BTBD9: variants seen among roughly 807,000 people sequenced by gnomAD.
BTBD9 encodes BTB domain containing 9, also known as BTB/POZ domain-containing protein 9.
In BTBD9, 49 loss-of-function variants were observed where a neutral mutation model predicts 64.3. The ratio of observed to expected loss-of-function variants is 0.76; its 90% CI spans 0.61 to 0.97. The LOEUF (loss-of-function observed/expected upper bound fraction) is 0.97. Ranked by LOEUF, BTBD9 falls within the 50% of genes least tolerant of loss-of-function variation. BTBD9 has a pLI of 0.00. For missense variants in BTBD9, 598 were observed against 762.1 expected, an observed-to-expected ratio of 0.78 and a Z score of 2.53; for synonymous variants, 260 against 274.7, an observed-to-expected ratio of 0.95 and a Z score of 0.53.
At chr6:38,533,441 C>T (rs1773883973) in intron 6 of BTBD9, among the ~76,000 whole-genome samples, 2 of 152,114 alleles carry the variant, frequency 1.3e-5, no homozygotes, top group African/African-American at 4.8e-5. Flanking sequence ...GAGAGAGACT[C>T]TATTAGAATC....
At position 38,386,630 on chromosome 6, in the gene BTBD9, CTTTTT is replaced by C. The variant is rs11423572; in HGVS notation, c.1155-41542_1155-41538del. ...TTTGGGATACATTTTCCAGTTTACT[CTTTTT>C]TTTTTTTTTTTTTTTTTGGAGTGGG... On this transcript the variant is annotated intron_variant, in intron 6 of 10. Transcript: ENST00000481247. 6.4e-3 allele frequency among the ~76,000 whole-genome samples: 597 copies of C among 92,778 alleles called. 6 individuals carry two copies. The highest frequency in any genetic ancestry group is 0.025 in the African/African-American group (561 of 22,298). The allele number at this position is 92,778 out of a possible 152,430, so 60.9% of individuals were successfully genotyped here.
At chr6:38,276,506 A>G (rs1761262777) in intron 8 of BTBD9, among the ~76,000 whole-genome samples, 1 of 152,086 alleles carries the variant, frequency 6.6e-6, no homozygotes, top group African/African-American at 2.4e-5. Context: ...AATAATAATA[A>G]AATAAAAAAT....
intron 1 of BTBD9, among the ~76,000 whole-genome samples, chr6:38,613,756 C>T (rs1157716160): frequency 6.6e-6 from 1 of 152,108 alleles, no homozygotes; most frequent in Non-Finnish European, 1.5e-5. Flanking sequence ...TTAAGGGGTA[C>T]TGACATTCCT....
chr6:38,211,596 T>G (rs1410182975), intron 9 of BTBD9, among the ~76,000 whole-genome samples: 3 of 151,376 alleles, frequency 2.0e-5, no homozygotes, highest in African/African-American at 7.3e-5. Flanking sequence ...ATACAAAAAT[T>G]AGGGGGGTGT....
intron 9 of BTBD9, among the ~76,000 whole-genome samples, chr6:38,252,152 C>CT (rs750405122): frequency 4.6e-5 from 7 of 152,070 alleles, no homozygotes; most frequent in Admixed American, 2.0e-4. Flanking sequence ...ACTGGAGAAT[C>CT]TTATTTCCCA....
At chr6:38,379,146 G>C (rs566904487) in intron 6 of BTBD9, among the ~76,000 whole-genome samples, 2 of 152,290 alleles carry the variant, frequency 1.3e-5, no homozygotes, top group East Asian at 3.9e-4. Context: ...TGTAGGCTTG[G>C]GGAAAGGAGA....
chr6:38,501,985 T>G (rs1772222677), intron 6 of BTBD9, among the ~76,000 whole-genome samples: 1 of 152,148 alleles, frequency 6.6e-6, no homozygotes, highest in Admixed American at 6.5e-5. Context: ...TTTAAGAGAA[T>G]AAAGGGCTCC....
chr6:38,547,964 T>C (rs1445480168), intron 6 of BTBD9, among the ~76,000 whole-genome samples: 2 of 152,218 alleles, frequency 1.3e-5, no homozygotes, highest in South Asian at 2.1e-4. Context: ...AAGTTTCTTT[T>C]CCATTGTGAA....
At chr6:38,267,915 G>C (rs529900310) in intron 8 of BTBD9, among the ~76,000 whole-genome samples, 1 of 152,284 alleles carries the variant, frequency 6.6e-6, no homozygotes, top group East Asian at 1.9e-4. Context: ...ACTCCAGCCT[G>C]GGTGACAGAG....
At chr6:38,282,144 T>C (rs1364831296) in intron 8 of BTBD9, among the ~76,000 whole-genome samples, 1 of 152,228 alleles carries the variant, frequency 6.6e-6, no homozygotes. Context: ...ATGACTCTAC[T>C]CTGGTCTTTT....
chr6:38,400,649 C>G (rs1212486904), intron 6 of BTBD9, among the ~76,000 whole-genome samples: 1 of 152,092 alleles, frequency 6.6e-6, no homozygotes, highest in Non-Finnish European at 1.5e-5. Flanking sequence ...TCATCACTCC[C>G]TAGGATACCA....
intron 6 of BTBD9, among the ~76,000 whole-genome samples, chr6:38,545,534 C>G (rs1774493305): frequency 6.6e-6 from 1 of 151,982 alleles, no homozygotes; most frequent in Non-Finnish European, 1.5e-5. Context: ...AATCCCAGCA[C>G]TTTGGGAGGC....
At chr6:38,343,726 T>C (rs900353127) in intron 7 of BTBD9, among the ~76,000 whole-genome samples, 1 of 152,192 alleles carries the variant, frequency 6.6e-6, no homozygotes, top group South Asian at 2.1e-4. Flanking sequence ...TAAAATTATG[T>C]TCATAACAAA....
chr6:38,522,427 A>G (rs1406364178), intron 6 of BTBD9, among the ~76,000 whole-genome samples: 9 of 152,208 alleles, frequency 5.9e-5, no homozygotes, highest in African/African-American at 2.2e-4. Context: ...GCCAGATTCA[A>G]TAACTATTTT....
chr6:38,205,206 A>T (rs1481100240), intron 9 of BTBD9, among the ~76,000 whole-genome samples: 2 of 152,232 alleles, frequency 1.3e-5, no homozygotes, highest in Non-Finnish European at 2.9e-5. Flanking sequence ...CATATGAAGG[A>T]CATAAGATTC....
chr6:38,629,857 C>T (rs546484542), intron 1 of BTBD9, among the ~76,000 whole-genome samples: 65 of 151,922 alleles, frequency 4.3e-4, no homozygotes, highest in African/African-American at 1.6e-3. Context: ...CAAAACTGGC[C>T]TAAACCCTTA....
chr6:38,405,061 A>C (rs1017684702), intron 6 of BTBD9, among the ~76,000 whole-genome samples: 7 of 152,208 alleles, frequency 4.6e-5, no homozygotes, highest in African/African-American at 1.4e-4. Context: ...AAGAAATCAA[A>C]GTAACAATGT....
intron 6 of BTBD9, among the ~76,000 whole-genome samples, chr6:38,412,091 CA>C (rs1287005055): frequency 3.3e-5 from 5 of 151,226 alleles, no homozygotes; most frequent in Non-Finnish European, 5.9e-5. Context: ...CATCCAGATG[CA>C]AAAAGGAAAA....
intron 10 of BTBD9, among the ~76,000 whole-genome samples, chr6:38,180,264 G>A (rs754861355): frequency 2.6e-5 from 4 of 152,236 alleles, no homozygotes; most frequent in African/African-American, 4.8e-5. Flanking sequence ...CAAGCCTGTC[G>A]TGGGGAAACT....
Sources: allele counts gnomAD v4.1 joint callset (sites outside exome capture counted in the v4.1 genomes callset), GRCh38; gene constraint gnomAD v4.1.1; transcripts MANE v1.5; gene names NCBI Gene and HGNC (gene_info 2026-07-23, HGNC 2026-07-21).